Variants in NSD2 observed in about 807,000 individuals in gnomAD.
The protein encoded by NSD2 is histone-lysine N-methyltransferase NSD2.
NSD2 carries 12 observed loss-of-function variants against 139.0 expected under a neutral mutation model. The ratio of observed to expected loss-of-function variants is 0.09; its 90% CI spans 0.06 to 0.14. The LOEUF (loss-of-function observed/expected upper bound fraction) is 0.14. NSD2 is among the 10% of genes least tolerant of loss of function. The pLI, the probability that NSD2 is intolerant of heterozygous loss-of-function variation, is 1.00. For synonymous variants in NSD2, 669 were observed against 648.7 expected, an observed-to-expected ratio of 1.03 and a Z score of -0.48; for missense variants, 1,155 against 1,745.0, an observed-to-expected ratio of 0.66 and a Z score of 6.02.
intron 3 of NSD2, among the ~76,000 whole-genome samples, chr4:1,914,935 G>C (rs1719162578): frequency 3.3e-5 from 5 of 151,896 alleles, no homozygotes; most frequent in African/African-American, 9.7e-5. Context: ...CTTGATTTTG[G>C]GTTTATTCTT....
chr4:1,899,799 G>A (rs966877710), intron 1 of NSD2, among the ~76,000 whole-genome samples: 2 of 152,254 alleles, frequency 1.3e-5, no homozygotes, highest in Non-Finnish European at 2.9e-5. Flanking sequence ...ACTGGCCAGT[G>A]TGGTGCACTG....
intron 1 of NSD2, chr4:1,887,447 C>G (rs1448726853): frequency 6.6e-6 from 1 of 152,128 alleles, no homozygotes; most frequent in Non-Finnish European, 1.5e-5. Flanking sequence ...ACCTTCATCT[C>G]TTGGTAGAGT....
chr4:1,889,490 C>T (rs1054680112), intron 1 of NSD2, among the ~76,000 whole-genome samples: 7 of 151,742 alleles, frequency 4.6e-5, no homozygotes, highest in East Asian at 1.9e-4. Flanking sequence ...GCACCACGCC[C>T]GGCCAAGATT....
chr4:1,929,922 C>T (rs1054557652), intron 5 of NSD2, among the ~76,000 whole-genome samples: 1 of 152,112 alleles, frequency 6.6e-6, no homozygotes, highest in African/African-American at 2.4e-5. Flanking sequence ...CCAGGTGGAG[C>T]GAAGTCCCCA....
chr4:1,945,929 C>T lies in NSD2; in HGVS notation c.1882-5143C>T, dbSNP rs773035225. The T allele has an allele frequency of 1.2e-5, 13 of 1,056,558 alleles. No homozygotes were observed. In the African/African-American group the frequency reaches 2.0e-4, roughly 16 times the overall value. 65.4% of individuals were successfully genotyped at this position (1,056,558 alleles called of 1,614,324 possible). A position where few individuals can be genotyped will look rare whatever the true frequency, so the allele number is the denominator to read the frequency against. On this transcript the variant is annotated intron_variant, in intron 9 of 21. Coordinates refer to ENST00000508803, the MANE Select transcript of NSD2 (RefSeq NM_001042424.3). ...TACAACACACTTCTCTAACATCTAGCCCTTTTAAATTTTTAATTAATTTCA... is the reference window on the plus strand; with the variant it reads ...TACAACACACTTCTCTAACATCTAGTCCTTTTAAATTTTTAATTAATTTCA...
chr4:1,891,867 A>C (rs1042089877), intron 1 of NSD2, among the ~76,000 whole-genome samples: 21 of 151,246 alleles, frequency 1.4e-4, no homozygotes, highest in Middle Eastern at 3.4e-3. Flanking sequence ...AAAAAAAAAA[A>C]AAAACAAAAA....
intron 5 of NSD2, among the ~76,000 whole-genome samples, chr4:1,922,156 A>G (rs1720228488): frequency 1.3e-5 from 2 of 152,368 alleles, no homozygotes; most frequent in South Asian, 4.1e-4. Context: ...CCAAGAAAAT[A>G]CTAGCCAGTA....
At chr4:1,916,786 A>G in intron 3 of NSD2, 85 bp from the exon 4 acceptor site, 1 of 1,397,250 alleles carries the variant, frequency 7.2e-7, no homozygotes, top group South Asian at 1.4e-5. Flanking sequence ...ACACCAAGGG[A>G]AACAACTGCA....
In NSD2 at chr4:1,872,591, T is replaced by TGTGTGTGAGAGAGAGAGAGA. The variant is rs1281608141; in HGVS notation, c.-30+1050_-30+1051insTGTGTGAGAGAGAGAGAGAG. 1.1e-4 allele frequency among the ~76,000 whole-genome samples: 5 copies of TGTGTGTGAGAGAGAGAGAGA among 44,894 alleles called. 1 individual carries two copies. Among genetic ancestry groups the TGTGTGTGAGAGAGAGAGAGA allele is most frequent in the East Asian group, 2.5e-3 (2 of 790 alleles). 29.5% of individuals were successfully genotyped at this position (44,894 alleles called of 152,430 possible). A position where few individuals can be genotyped will look rare whatever the true frequency, so the allele number is the denominator to read the frequency against. On this transcript the variant is annotated intron_variant, in intron 1 of 21. Coordinates refer to ENST00000508803, the MANE Select transcript of NSD2 (RefSeq NM_001042424.3). ...GTGTGTGTGTGTGTGTGTGTGTGTG[T>TGTGTGTGAGAGAGAGAGAGA]GAGAGAGAGAGAGAGAGAGAGAGAG...
At chr4:1,890,213 CAGTTGA>C (rs1715423417) in intron 1 of NSD2, among the ~76,000 whole-genome samples, 1 of 152,202 alleles carries the variant, frequency 6.6e-6, no homozygotes, top group Non-Finnish European at 1.5e-5. Context: ...AACCATTCAT[CAGTTGA>C]TAGACAGTTG....
chr4:1,940,311 A>G, intron 9 of NSD2: 1 of 1,072,382 alleles, frequency 9.3e-7, no homozygotes, highest in Non-Finnish European at 1.1e-6. Flanking sequence ...TAGTTACTTG[A>G]GTGTTGAGGT....
At chr4:1,913,255 T>A (rs1718918873) in intron 3 of NSD2, among the ~76,000 whole-genome samples, 1 of 152,194 alleles carries the variant, frequency 6.6e-6, no homozygotes, top group African/African-American at 2.4e-5. Context: ...AGGCACCTGT[T>A]ACTTAGCCGA....
intron 21 of NSD2, among the ~76,000 whole-genome samples, chr4:1,977,830 A>G (rs1231394487): frequency 6.7e-6 from 1 of 149,012 alleles, no homozygotes; most frequent in Non-Finnish European, 1.5e-5. Context: ...ACAAAACTAT[A>G]AAAAGAAAAT....
chr4:1,974,680 C>T lies in NSD2; in HGVS notation c.3373-183C>T, dbSNP rs1215985911. On this transcript the variant is annotated intron_variant, in intron 18 of 21. Coordinates refer to ENST00000508803, the MANE Select transcript of NSD2 (RefSeq NM_001042424.3). The surrounding 1 kb of genome is among the most constrained non-coding windows in gnomAD (Gnocchi z 4.0). The stretch of plus-strand genomic sequence containing the variant: ...CCTCTCCACGTGGTCCTGACCTGTC[C>T]TCTGTGAGCAAGAGAAACAGGACTG... 1 of 893,152 alleles carries T rather than the reference C, an allele frequency of 1.1e-6. No individual in the cohort carries two copies. Among genetic ancestry groups the T allele is most frequent in the African/African-American group, 1.6e-5 (1 of 61,324 alleles). The allele number at this position is 893,152 out of a possible 1,614,324, so 55.3% of individuals were successfully genotyped here.
intron 21 of NSD2, 57 bp from the exon 22 acceptor site, chr4:1,978,581 A>T: frequency 6.5e-7 from 1 of 1,547,682 alleles, no homozygotes; most frequent in Non-Finnish European, 8.8e-7. Flanking sequence ...AACCACGATA[A>T]TGTTGAAGTC....
intron 1 of NSD2, among the ~76,000 whole-genome samples, chr4:1,872,049 GC>G (rs972358188): frequency 6.6e-6 from 1 of 151,346 alleles, no homozygotes; most frequent in African/African-American, 2.4e-5. Context: ...GGGTCCCGGG[GC>G]CGGCGCCGGG....
In NSD2 at chr4:1,982,067, G is replaced by T. The variant is rs1034204762; in HGVS notation, c.*3158G>T. 2.5e-6 allele frequency: 1 copy of T among 397,362 alleles called. No homozygotes were observed. The highest frequency in any genetic ancestry group is 3.6e-5 in the East Asian group (1 of 28,040). 24.6% of individuals were successfully genotyped at this position (397,362 alleles called of 1,614,324 possible). Reference sequence around the variant, plus strand: ...CTTAAAAACTTGAAATTCACTTTTTGGGGGGAGGGATATACTGAAATAGAG... The same window carrying T: ...CTTAAAAACTTGAAATTCACTTTTTTGGGGGAGGGATATACTGAAATAGAG... On this transcript the variant is annotated 3_prime_UTR_variant, in exon 22 of 22. Transcript: ENST00000508803.
intron 9 of NSD2, among the ~76,000 whole-genome samples, chr4:1,949,229 T>C (rs1335532253): frequency 6.6e-6 from 1 of 152,246 alleles, no homozygotes; most frequent in African/African-American, 2.4e-5. Context: ...ATGTGCGCTG[T>C]GGCTCTTGCA....
chr4:1,941,559 T>C, intron 9 of NSD2: 1 of 1,040,078 alleles, frequency 9.6e-7, no homozygotes, highest in Non-Finnish European at 1.2e-6. Flanking sequence ...TAAATTTTAA[T>C]TCTTCAGAAT....
Sources: gnomAD v4.1 joint callset for allele counts (sites outside exome capture counted in the v4.1 genomes callset) on GRCh38, gnomAD v4.1.1 for gene constraint, Gnocchi (gnomAD v3.1) non-coding constraint, MANE v1.5 for transcripts, NCBI Gene and HGNC (gene_info 2026-07-23, HGNC 2026-07-21) for gene names.